Variants in INPP5A observed in about 807,000 individuals in gnomAD.
INPP5A encodes inositol polyphosphate-5-phosphatase A.
INPP5A carries 14 observed loss-of-function variants against 65.2 expected under a neutral mutation model. The observed-to-expected ratio is 0.21, with a 90% CI of 0.14 to 0.34. The LOEUF (loss-of-function observed/expected upper bound fraction) is 0.34, where lower values mean the gene tolerates loss of function less well. INPP5A is among the 10% of genes least tolerant of loss of function. INPP5A has a pLI of 1.00. For missense variants in INPP5A, 431 were observed against 545.6 expected, an observed-to-expected ratio of 0.79 and a Z score of 2.09; for synonymous variants, 207 against 208.3, an observed-to-expected ratio of 0.99 and a Z score of 0.05.
chr10:132,597,157 G>A (rs1024984930), intron 1 of INPP5A, among the ~76,000 whole-genome samples: 1 of 151,832 alleles, frequency 6.6e-6, no homozygotes, highest in East Asian at 1.9e-4. Flanking sequence ...ATGTGTGTGA[G>A]TGTGTGTGCG....
chr10:132,675,602 C>T lies in INPP5A; in HGVS notation c.307-14790C>T, dbSNP rs1361009140. ...GCCGTGCCCGGGAGAGTGAGGGTAA[C>T]GGACATTCCCACGGGGATATTCCCA... On this transcript the variant is annotated intron_variant, in intron 4 of 15. Transcript: ENST00000368594. The surrounding 1 kb of genome is among the most constrained non-coding windows in gnomAD (Gnocchi z 4.2). Among the ~76,000 whole-genome samples the T allele has an allele frequency of 1.3e-5, 2 of 152,142 alleles. No homozygotes were observed. Among genetic ancestry groups the T allele is most frequent in the South Asian group, 2.1e-4 (1 of 4,822 alleles).
chr10:132,721,456 T>C (rs1403325085), intron 8 of INPP5A, among the ~76,000 whole-genome samples: 1 of 151,756 alleles, frequency 6.6e-6, no homozygotes, highest in Non-Finnish European at 1.5e-5. Context: ...ACCTGGGTTC[T>C]GTCTGGGCGC....
chr10:132,674,626 T>G lies in INPP5A; in HGVS notation c.307-15766T>G, dbSNP rs534078412. On this transcript the variant is annotated intron_variant, in intron 4 of 15. Transcript: ENST00000368594. This position sits in a 1 kb window ranked among gnomAD's most constrained non-coding sequence, Gnocchi z 4.4. ...CGTCGTCATGTAACTTACTTGTGCC[T>G]TCAGGACTTAATCAAGCCCAATCAC... Among the ~76,000 whole-genome samples the G allele has an allele frequency of 7.4e-4, 113 of 152,336 alleles. No homozygotes were observed. Among genetic ancestry groups the G allele is most frequent in the Non-Finnish European group, 1.2e-3 (84 of 68,038 alleles).
intron 4 of INPP5A, among the ~76,000 whole-genome samples, chr10:132,686,285 C>T (rs775106149): frequency 6.6e-6 from 1 of 152,244 alleles, no homozygotes; most frequent in Non-Finnish European, 1.5e-5. Flanking sequence ...CTGCAGTCCT[C>T]GCAGAAGCAT....
chr10:132,565,179 G>A (rs2071257177), intron 1 of INPP5A, among the ~76,000 whole-genome samples: 1 of 152,086 alleles, frequency 6.6e-6, no homozygotes, highest in Non-Finnish European at 1.5e-5. Context: ...GCATGGTCAC[G>A]GCTTACTGCA....
chr10:132,744,795 T>C (rs1846339305), intron 9 of INPP5A, among the ~76,000 whole-genome samples: 1 of 152,218 alleles, frequency 6.6e-6, no homozygotes, highest in Non-Finnish European at 1.5e-5. Context: ...GAGGCCGGGC[T>C]GTCCCTGAGC....
chr10:132,591,052 A>G (rs909695241), intron 1 of INPP5A, among the ~76,000 whole-genome samples: 1 of 152,152 alleles, frequency 6.6e-6, no homozygotes, highest in African/African-American at 2.4e-5. Flanking sequence ...CTCCTCATGT[A>G]TGACGCCATT....
chr10:132,598,850 G>T (rs1022999727), intron 1 of INPP5A, among the ~76,000 whole-genome samples: 1 of 152,204 alleles, frequency 6.6e-6, no homozygotes, highest in Non-Finnish European at 1.5e-5. Flanking sequence ...TTCTTAAATG[G>T]CTGCAGCAAG....
intron 3 of INPP5A, among the ~76,000 whole-genome samples, chr10:132,648,358 C>T (rs188420963): frequency 4.6e-5 from 7 of 152,394 alleles, no homozygotes; most frequent in Admixed American, 2.0e-4. Flanking sequence ...CCTTCCTCCG[C>T]GCTTTATGCC....
chr10:132,591,270 C>T (rs1012076252), intron 1 of INPP5A, among the ~76,000 whole-genome samples: 1 of 151,972 alleles, frequency 6.6e-6, no homozygotes, highest in East Asian at 1.9e-4. Flanking sequence ...AGAGTTGACT[C>T]ACTCTTTTTA....
intron 11 of INPP5A, among the ~76,000 whole-genome samples, chr10:132,756,347 C>T (rs558229434): frequency 2.8e-4 from 43 of 151,834 alleles, no homozygotes; most frequent in Admixed American, 2.2e-3. Context: ...GTGGTGTATG[C>T]ATGTGTGTGT....
chr10:132,732,578 T>C (rs1453932423), intron 9 of INPP5A, among the ~76,000 whole-genome samples: 1 of 152,328 alleles, frequency 6.6e-6, no homozygotes, highest in East Asian at 1.9e-4. Flanking sequence ...AGCTAAGTGC[T>C]TGGTGCAGGG....
In INPP5A at chr10:132,698,855, C is replaced by T. The variant is rs1157362504; in HGVS notation, c.474+936C>T. On this transcript the variant is annotated intron_variant, in intron 6 of 15. Coordinates refer to ENST00000368594, the MANE Select transcript of INPP5A (RefSeq NM_005539.5). The surrounding 1 kb of genome is among the most constrained non-coding windows in gnomAD (Gnocchi z 5.5). ...CAGGCTGAGGCTGCTACGGAGCTGA[C>T]TTCCAGCAAGGCCACAACTTTATTA... is the stretch of plus-strand genomic sequence containing the variant. Among the ~76,000 whole-genome samples the T allele has an allele frequency of 6.6e-6, 1 of 152,232 alleles. No homozygotes were observed. Among genetic ancestry groups the T allele is most frequent in the Non-Finnish European group, 1.5e-5 (1 of 68,042 alleles).
Position 132,675,625 on chromosome 10 carries a change from C to T in INPP5A, c.307-14767C>T, listed in dbSNP as rs933719151. ...AACGGACATTCCCACGGGGATATTC[C>T]CACGCGGAGAACTGGGACCCCGATC... On this transcript the variant is annotated intron_variant, in intron 4 of 15. Coordinates refer to ENST00000368594, the MANE Select transcript of INPP5A (RefSeq NM_005539.5). The surrounding 1 kb of genome is among the most constrained non-coding windows in gnomAD (Gnocchi z 4.2). Among the ~76,000 whole-genome samples, 4 of 152,176 alleles carry T rather than the reference C, an allele frequency of 2.6e-5. No homozygotes were observed. The highest frequency in any genetic ancestry group is 7.2e-5 in the African/African-American group (3 of 41,438).
chr10:132,708,083 C>G (rs1023750617), intron 6 of INPP5A, among the ~76,000 whole-genome samples: 3 of 152,184 alleles, frequency 2.0e-5, no homozygotes, highest in African/African-American at 7.2e-5. Flanking sequence ...ATCTTCCCCC[C>G]ACCCCACCCC....
intron 1 of INPP5A, among the ~76,000 whole-genome samples, chr10:132,577,732 C>T (rs146126345): frequency 3.9e-4 from 59 of 152,384 alleles, no homozygotes; most frequent in African/African-American, 1.3e-3. Flanking sequence ...ATGCCTGTCT[C>T]AGGGAGGCAT....
At chr10:132,553,574 A>T (rs1469317604) in intron 1 of INPP5A, among the ~76,000 whole-genome samples, 3 of 45,162 alleles carry the variant, frequency 6.6e-5, no homozygotes, top group South Asian at 8.0e-4. Context: ...CAGAGCCTTG[A>T]TGTGGAATAT....
chr10:132,558,533 C>T (rs184516481), intron 1 of INPP5A, among the ~76,000 whole-genome samples: 1 of 152,342 alleles, frequency 6.6e-6, no homozygotes, highest in East Asian at 1.9e-4. Context: ...GCATGGGGTC[C>T]ACTTGTCCCT....
chr10:132,666,470 A>T (rs987226243), intron 4 of INPP5A, among the ~76,000 whole-genome samples: 2 of 152,228 alleles, frequency 1.3e-5, no homozygotes, highest in African/African-American at 4.8e-5. Flanking sequence ...CAGTTAAAGT[A>T]TTAAAGTATA....
Sources: gnomAD v4.1 joint callset for allele counts (sites outside exome capture counted in the v4.1 genomes callset) on GRCh38, gnomAD v4.1.1 for gene constraint, Gnocchi (gnomAD v3.1) non-coding constraint, MANE v1.5 for transcripts, NCBI Gene and HGNC (gene_info 2026-07-23, HGNC 2026-07-21) for gene names.